The following PLEKHA7 variants were observed in gnomAD, a reference collection of about 807,000 sequenced individuals.
The protein encoded by PLEKHA7 is pleckstrin homology domain containing A7.
Under a neutral mutation model 170.0 loss-of-function variants are expected in PLEKHA7, and 104 were observed. The ratio of observed to expected loss-of-function variants is 0.61; its 90% CI spans 0.52 to 0.72. The LOEUF is 0.72. Among genes scored for constraint, PLEKHA7 ranks in the 30% least tolerant of loss-of-function variants. The pLI is 0.00. For missense variants in PLEKHA7, 1,615 were observed against 1,671.7 expected (o/e 0.97, Z 0.59); for synonymous variants, 648 against 660.8 (o/e 0.98, Z 0.30).
At chr11:16,779,508 G>C (rs1460096433) in intron 26 of PLEKHA7, among the ~76,000 whole-genome samples, 2 of 152,198 alleles carry the variant, frequency 1.3e-5, no homozygotes, top group South Asian at 2.1e-4. Flanking sequence ...CTGCCTCTCT[G>C]TGACTGAGCG....
intron 4 of PLEKHA7, among the ~76,000 whole-genome samples, chr11:16,866,541 G>T (rs527609623): frequency 8.5e-5 from 13 of 152,232 alleles, no homozygotes; most frequent in African/African-American, 3.1e-4. Context: ...GCAGTGAGCT[G>T]AGAGTGCACC....
intron 3 of PLEKHA7, among the ~76,000 whole-genome samples, chr11:16,950,865 G>A (rs541464260): frequency 2.0e-5 from 3 of 151,930 alleles, no homozygotes; most frequent in Admixed American, 2.0e-4. Context: ...TCACTTCCTC[G>A]TTCATGTTTC....
chr11:16,807,717 G>C (rs1849088152), intron 13 of PLEKHA7, among the ~76,000 whole-genome samples: 1 of 152,102 alleles, frequency 6.6e-6, no homozygotes, highest in Non-Finnish European at 1.5e-5. Flanking sequence ...CTTACCCATG[G>C]TCCCAAATGC....
intron 3 of PLEKHA7, among the ~76,000 whole-genome samples, chr11:16,909,534 C>T (rs1361708617): frequency 6.6e-6 from 1 of 152,240 alleles, no homozygotes; most frequent in Non-Finnish European, 1.5e-5. Flanking sequence ...ACCACACTCT[C>T]CAAGGCAGCA....
At position 16,783,755 on chromosome 11, in the gene PLEKHA7, G is replaced by C; in HGVS notation, c.3595C>G (p.Leu1199Val). Residue 1199 changes from leucine (L) to valine (V), a missense_variant, in exon 25 of 27, where the codon CTG becomes GTG. By Grantham distance (32) the Leu-to-Val change is conservative. Coordinates refer to ENST00000531066, the MANE Select transcript of PLEKHA7 (RefSeq NM_001329630.2). ...TCGGCTTTGCGGTACCGCGCCTGCA[G>C]CTCCTCAAGGCTGGGTGGCTCTTCG... is the stretch of plus-strand genomic sequence containing the variant. ...DPEEPPSLEE[L>V]QARYRKAEKI... 6.6e-7 allele frequency: 1 copy of C among 1,510,622 alleles called. No individual in the cohort carries two copies. The highest frequency in any genetic ancestry group is 1.2e-5 in the South Asian group (1 of 80,380). The allele number at this position is 1,510,622 out of a possible 1,614,324, so 93.6% of individuals were successfully genotyped here.
chr11:17,013,927 G>A, intron 3 of PLEKHA7, 62 bp downstream of exon 3: 6 of 1,433,788 alleles, frequency 4.2e-6, no homozygotes, highest in Admixed American at 2.7e-5. Context: ...GCGCCCGGCG[G>A]GAACGGGGAG....
chr11:16,824,032 C>G (rs182670641), intron 10 of PLEKHA7, among the ~76,000 whole-genome samples: 55 of 152,304 alleles, frequency 3.6e-4, no homozygotes, highest in Non-Finnish European at 1.0e-4. Context: ...CATGTTCTCA[C>G]TCATTTGTGA....
chr11:16,990,508 T>G (rs1565186384), intron 3 of PLEKHA7, among the ~76,000 whole-genome samples: 1 of 152,180 alleles, frequency 6.6e-6, no homozygotes, highest in South Asian at 2.1e-4. Flanking sequence ...GGAGCCTTTC[T>G]CAGTTACTCC....
chr11:16,924,911 C>A (rs1859391538), intron 3 of PLEKHA7, among the ~76,000 whole-genome samples: 1 of 152,202 alleles, frequency 6.6e-6, no homozygotes, highest in Non-Finnish European at 1.5e-5. Flanking sequence ...GGCTTCAGGG[C>A]TCGGGGCTGG....
chr11:16,837,777 C>T (rs1851629563), intron 9 of PLEKHA7, among the ~76,000 whole-genome samples: 1 of 152,148 alleles, frequency 6.6e-6, no homozygotes, highest in Non-Finnish European at 1.5e-5. Flanking sequence ...GGGTTTAATT[C>T]CACATTTTCA....
chr11:16,906,520 G>A (rs1479988318), intron 3 of PLEKHA7, among the ~76,000 whole-genome samples: 1 of 139,232 alleles, frequency 7.2e-6, no homozygotes, highest in Non-Finnish European at 1.5e-5. Flanking sequence ...ACGGGGTTTC[G>A]CTGTGTTGGC....
chr11:16,976,002 G>T (rs1436354334), intron 3 of PLEKHA7, among the ~76,000 whole-genome samples: 1 of 152,220 alleles, frequency 6.6e-6, no homozygotes, highest in Non-Finnish European at 1.5e-5. Flanking sequence ...CCTCAGGAAG[G>T]GGCTGTACTC....
At chr11:16,835,249 T>C (rs1034502920) in intron 9 of PLEKHA7, among the ~76,000 whole-genome samples, 5 of 152,186 alleles carry the variant, frequency 3.3e-5, no homozygotes, top group African/African-American at 4.8e-5. Flanking sequence ...CCAGCCTGGG[T>C]GACAGAGCGA....
intron 4 of PLEKHA7, among the ~76,000 whole-genome samples, chr11:16,863,967 A>G (rs1168380300): frequency 6.6e-6 from 1 of 152,264 alleles, no homozygotes; most frequent in Non-Finnish European, 1.5e-5. Context: ...GAGGCTTGGC[A>G]TCTTTCAAAC....
intron 10 of PLEKHA7, among the ~76,000 whole-genome samples, chr11:16,821,478 T>C (rs1203913392): frequency 6.6e-6 from 1 of 152,254 alleles, no homozygotes; most frequent in Non-Finnish European, 1.5e-5. Context: ...GTGAAATTTG[T>C]ATCTCCAATT....
At chr11:16,851,392 T>A in intron 7 of PLEKHA7, 101 bp from the exon 8 acceptor site, 1 of 699,488 alleles carries the variant, frequency 1.4e-6, no homozygotes, top group South Asian at 2.4e-5. Flanking sequence ...TTCCTCCCCT[T>A]GTAATGTCCA....
intron 10 of PLEKHA7, among the ~76,000 whole-genome samples, chr11:16,825,455 C>T (rs1046115693): frequency 1.3e-5 from 2 of 152,226 alleles, no homozygotes; most frequent in Admixed American, 1.3e-4. Flanking sequence ...GAATCTGTCA[C>T]GTCTTTCATA....
chr11:16,889,923 G>A (rs1452607662), intron 3 of PLEKHA7, among the ~76,000 whole-genome samples: 1 of 152,126 alleles, frequency 6.6e-6, no homozygotes, highest in East Asian at 1.9e-4. Flanking sequence ...AATCCCCTAT[G>A]AAGGAAATCC....
chr11:16,923,769 G>A lies in PLEKHA7; in HGVS notation c.222-52587C>T, dbSNP rs79928669. On this transcript the variant is annotated intron_variant, in intron 3 of 26. Transcript: ENST00000531066. ...ACACTTCTTGCCTTTGCCCCTCCCC[G>A]CCTTACATAAACTCAGCCGCCTCTT... Among the ~76,000 whole-genome samples, 264 of 151,992 alleles carry A rather than the reference G, an allele frequency of 1.7e-3. 6 individuals carry two copies. Among genetic ancestry groups the A allele is most frequent in the Non-Finnish European group, 2.3e-3 (157 of 67,976 alleles).
Sources: allele counts gnomAD v4.1 joint callset (sites outside exome capture counted in the v4.1 genomes callset), GRCh38; gene constraint gnomAD v4.1.1; transcripts MANE v1.5; gene names NCBI Gene and HGNC (gene_info 2026-07-23, HGNC 2026-07-21).